The following TRPM3 variants were observed in gnomAD, a reference collection of about 807,000 sequenced individuals.
The protein encoded by TRPM3 is long transient receptor potential channel 3.
In TRPM3, 77 loss-of-function variants were observed where a neutral mutation model predicts 181.2. The observed-to-expected ratio is 0.42, with a 90% CI of 0.35 to 0.51. TRPM3 has a LOEUF of 0.51. Ranked by LOEUF, TRPM3 falls within the 20% of genes least tolerant of loss-of-function variation. TRPM3 has a pLI of 0.01. For synonymous variants in TRPM3, 745 were observed against 796.4 expected, an observed-to-expected ratio of 0.94 and a Z score of 1.09; for missense variants, 1,759 against 2,196.7, an observed-to-expected ratio of 0.80 and a Z score of 3.98.
Position 71,121,309 on chromosome 9 carries a change from C to T in TRPM3, c.46G>A (p.Val16Ile). 1.2e-6 allele frequency: 2 copies of T among 1,614,044 alleles called. No homozygotes were observed. The highest frequency in any genetic ancestry group is 1.7e-6 in the Non-Finnish European group (2 of 1,180,006). Residue 16 changes from valine (V) to isoleucine (I), a missense_variant, in exon 1 of 26, where the codon GTT becomes ATT. By Grantham distance (29) the Val-to-Ile change is conservative. Transcript: ENST00000677713. The part of the protein sequence containing the change: ...GTVYFLGIAQ[V>I]FSFLFSWWNL... ...CACCAGGAAAACAAGAAACTGAAAA[C>T]CTGAGCAATGCCTAGAAAATAAACG...
rs142231026 is a variant in TRPM3 at position 71,281,757 on chromosome 9, G to A, written c.183+164896C>T. ...ACATTAACATCCTCAACAATGGTAA[G>A]GTACTGTAGATATGAAAATTGTGGC... On this transcript the variant is annotated intron_variant, in intron 1 of 24. Transcript: ENST00000357533. Among the ~76,000 whole-genome samples the A allele has an allele frequency of 4.5e-3, 678 of 152,248 alleles. 6 individuals are homozygous for A. Among genetic ancestry groups the A allele is most frequent in the African/African-American group, 0.016 (653 of 41,540 alleles).
intron 1 of TRPM3, among the ~76,000 whole-genome samples, chr9:71,174,579 A>G (rs1156646562): frequency 6.6e-6 from 1 of 152,052 alleles, no homozygotes; most frequent in African/African-American, 2.4e-5. Flanking sequence ...CTTTGGAGAG[A>G]GTTCTGTGTG....
At chr9:71,210,546 G>C (rs551473871) in intron 1 of TRPM3, among the ~76,000 whole-genome samples, 1 of 152,058 alleles carries the variant, frequency 6.6e-6, no homozygotes, top group African/African-American at 2.4e-5. Context: ...ACTCCTTCTG[G>C]TACCCTTCCT....
chr9:71,119,561 A>G (rs948309847), intron 1 of TRPM3, among the ~76,000 whole-genome samples: 4 of 152,166 alleles, frequency 2.6e-5, no homozygotes, highest in African/African-American at 9.7e-5. Flanking sequence ...TAGCATATTA[A>G]TTAATCATAT....
At chr9:70,990,149 T>G (rs2097463529) in intron 1 of TRPM3, among the ~76,000 whole-genome samples, 1 of 152,174 alleles carries the variant, frequency 6.6e-6, no homozygotes, top group Admixed American at 6.5e-5. Flanking sequence ...ATTTAATACC[T>G]ATTCTATTCT....
chr9:71,140,756 G>A (rs926372923), intron 1 of TRPM3, among the ~76,000 whole-genome samples: 2 of 152,128 alleles, frequency 1.3e-5, no homozygotes, highest in Non-Finnish European at 2.9e-5. Flanking sequence ...ATACTTCACT[G>A]TTAAGTCATA....
chr9:71,435,111 A>G (rs2094013106), intron 1 of TRPM3, among the ~76,000 whole-genome samples: 1 of 152,220 alleles, frequency 6.6e-6, no homozygotes, highest in South Asian at 2.1e-4. Flanking sequence ...TCAATAACTC[A>G]AATTTACACT....
chr9:70,860,889 T>C (rs11142629), intron 3 of TRPM3, among the ~76,000 whole-genome samples: 30,301 of 152,084 alleles, frequency 0.2, 3,724 homozygotes, highest in Non-Finnish European at 0.26. Flanking sequence ...TTAATGCTTA[T>C]GACAGTAATA....
chr9:70,656,755 A>G (rs1324853424), intron 9 of TRPM3, among the ~76,000 whole-genome samples: 1 of 152,154 alleles, frequency 6.6e-6, no homozygotes, highest in Admixed American at 6.6e-5. Flanking sequence ...TTATTTGGGT[A>G]TTTTCCAATG....
At chr9:71,439,493 T>G (rs1355614519) in intron 1 of TRPM3, among the ~76,000 whole-genome samples, 1 of 152,180 alleles carries the variant, frequency 6.6e-6, no homozygotes, top group Non-Finnish European at 1.5e-5. Flanking sequence ...AAGATTCAGT[T>G]GCAAAACCAG....
At chr9:71,042,988 G>C (rs2059004102) in intron 1 of TRPM3, among the ~76,000 whole-genome samples, 1 of 152,128 alleles carries the variant, frequency 6.6e-6, no homozygotes, top group African/African-American at 2.4e-5. Context: ...ATTAATTCCT[G>C]TTTCTTGCGA....
chr9:71,205,278 G>C (rs2079058291), intron 1 of TRPM3, among the ~76,000 whole-genome samples: 1 of 152,002 alleles, frequency 6.6e-6, no homozygotes, highest in South Asian at 2.1e-4. Context: ...TTCAAAGATC[G>C]AGTGTTGAAA....
rs147946522 is a variant in TRPM3, at chr9:70,535,575, T to C, written c.*378A>G. The C allele has an allele frequency of 9.2e-5, 139 of 1,518,668 alleles. No individual in the cohort carries two copies. The African/African-American group carries it at 1.4e-3, about 15-fold the overall frequency. The allele number at this position is 1,518,668 out of a possible 1,614,324, so 94.1% of individuals were successfully genotyped here. ...AATTTAGCCCTGCATCCTACAACTC[T>C]TGATAATGGTCAGAAATCAACAGAT... On this transcript the variant is annotated 3_prime_UTR_variant, in exon 26 of 26. Coordinates refer to ENST00000677713, the MANE Select transcript of TRPM3 (RefSeq NM_001366145.2).
intron 1 of TRPM3, among the ~76,000 whole-genome samples, chr9:71,239,097 A>AT (rs1187378053): frequency 6.6e-6 from 1 of 152,152 alleles, no homozygotes. Context: ...ACAAAAAAAA[A>AT]CAGCATTTTA....
Position 71,027,841 on chromosome 9 carries a change from C to T in TRPM3, c.177+93337G>A, listed in dbSNP as rs138014308. 4.9e-3 allele frequency among the ~76,000 whole-genome samples: 753 copies of T among 152,246 alleles called. 17 individuals are homozygous for T. The East Asian group carries it at 0.077, about 16-fold the overall frequency. On this transcript the variant is annotated intron_variant, in intron 1 of 25. Coordinates refer to ENST00000677713, the MANE Select transcript of TRPM3 (RefSeq NM_001366145.2). ...GTAAAGAGACCAAATCTATGAATCACTGGAATCCCTGAAAGAGATGGAGAG... is the reference window on the plus strand; with the variant it reads ...GTAAAGAGACCAAATCTATGAATCATTGGAATCCCTGAAAGAGATGGAGAG...
At chr9:70,877,831 T>C (rs868647218) in intron 1 of TRPM3, among the ~76,000 whole-genome samples, 3 of 42,078 alleles carry the variant, frequency 7.1e-5, no homozygotes, top group Admixed American at 2.2e-4. Context: ...ACACACACAC[T>C]CCCATGAAAT....
intron 1 of TRPM3, among the ~76,000 whole-genome samples, chr9:71,413,939 T>G (rs2093600795): frequency 6.6e-6 from 1 of 151,990 alleles, no homozygotes; most frequent in Non-Finnish European, 1.5e-5. Context: ...AGCATGTTTA[T>G]CTCCTCACTG....
rs147051569 is a variant in TRPM3, at chr9:70,673,069, T to A, written c.1345+8437A>T. On this transcript the variant is annotated intron_variant, in intron 9 of 25. Coordinates refer to ENST00000677713, the MANE Select transcript of TRPM3 (RefSeq NM_001366145.2). Reference sequence around the variant, plus strand: ...GTGGGTAGAAGTGAAGAGACATGGGTTTAAGCTTTGGCTCTGCCACTAACT... The same window carrying A: ...GTGGGTAGAAGTGAAGAGACATGGGATTAAGCTTTGGCTCTGCCACTAACT... 8.6e-5 allele frequency among the ~76,000 whole-genome samples: 13 copies of A among 151,956 alleles called. No individual in the cohort carries two copies. The East Asian group carries it at 2.3e-3, about 27-fold the overall frequency.
chr9:70,587,566 C>T (rs1211397138), intron 22 of TRPM3, among the ~76,000 whole-genome samples: 2 of 152,200 alleles, frequency 1.3e-5, no homozygotes, highest in Admixed American at 1.3e-4. Flanking sequence ...CCGGCCTTGG[C>T]ATGAAATGCT....
Sources: allele counts gnomAD v4.1 joint callset (sites outside exome capture counted in the v4.1 genomes callset), GRCh38; gene constraint gnomAD v4.1.1; transcripts MANE v1.5; gene names NCBI Gene and HGNC (gene_info 2026-07-23, HGNC 2026-07-21).